COL7A1: variants seen among roughly 807,000 people sequenced by gnomAD.
COL7A1 encodes collagen alpha-1(VII) chain.
COL7A1 carries 296 observed loss-of-function variants against 456.2 expected under a neutral mutation model. That is an observed-to-expected ratio of 0.65 (90% CI 0.59 to 0.71). The LOEUF (loss-of-function observed/expected upper bound fraction) is 0.71. COL7A1 is among the 30% of genes least tolerant of loss of function. The probability of loss-of-function intolerance (pLI) is 0.00; values close to 1 mark genes in which losing one functional copy is unlikely to be tolerated. For missense variants in COL7A1, 3,441 were observed against 4,017.2 expected, an observed-to-expected ratio of 0.86 and a Z score of 3.88; for synonymous variants, 1,464 against 1,525.9, an observed-to-expected ratio of 0.96 and a Z score of 0.95.
rs751663795 is a variant in COL7A1 at position 48,584,350 on chromosome 3, A to G, written c.4145T>C (p.Leu1382Pro). The G allele has an allele frequency of 6.2e-7, 1 of 1,613,316 alleles. No homozygotes were observed. The highest frequency in any genetic ancestry group is 1.1e-5 in the South Asian group (1 of 91,064). ...GGGGCCACGGGGTCCTGGGTCCCCC[A>G]GTGGTCCACGAGGTCCAGGGGGGCC... ...PSGPPGPRGP[L>P]GDPGPRGPPG... The change falls in exon 37 of 119, where the codon CTG becomes CCG. Residue 1382 changes from leucine (L) to proline (P), a missense_variant. Leu to Pro is a moderately conservative substitution (Grantham distance 98). Transcript: ENST00000681320.
rs2044439443 is a variant in COL7A1, at chr3:48,578,026, T to G, written c.5532+295A>C. 6.6e-6 allele frequency among the ~76,000 whole-genome samples: 1 copy of G among 152,096 alleles called. No individual in the cohort carries two copies. The highest frequency in any genetic ancestry group is 1.5e-5 in the Non-Finnish European group (1 of 68,016). On this transcript the variant is annotated intron_variant, in intron 65 of 118. Coordinates refer to ENST00000681320, the MANE Select transcript of COL7A1 (RefSeq NM_000094.4). This position sits in a 1 kb window ranked among gnomAD's most constrained non-coding sequence, Gnocchi z 4.7. ...CTAAAAATACAAAATTAGCCAGGCA[T>G]GGTGGCGCATGCCTGTAATCCCAGT...
In COL7A1 at chr3:48,592,364, C is replaced by T. The variant is rs375604839; in HGVS notation, c.1080G>A (p.Trp360Ter). 3.1e-6 allele frequency: 5 copies of T among 1,613,506 alleles called. No homozygotes were observed. The highest frequency in any genetic ancestry group is 4.2e-6 in the Non-Finnish European group (5 of 1,180,044). ...VPGATGYRVTWRVLSGGPTQQ... is the reference protein window; with the variant it reads ...VPGATGYRVT ...TCTCTCACTCACCACTGAGGACCCG[C>T]CATGTCACACGGTAGCCAGTGGCAC... is the stretch of plus-strand genomic sequence containing the variant. The change falls in exon 9 of 119, where the codon TGG becomes TGA. Residue 360 changes from tryptophan to a stop codon, truncating the protein, a stop_gained. Coordinates refer to ENST00000681320, the MANE Select transcript of COL7A1 (RefSeq NM_000094.4). LOFTEE classifies it high-confidence loss of function. This position sits in a 1 kb window ranked among gnomAD's most constrained non-coding sequence, Gnocchi z 7.6.
Position 48,575,349 on chromosome 3 carries a change from G to A in COL7A1, c.6170C>T (p.Pro2057Leu), listed in dbSNP as rs2044220324. ...AGCCCCCAGCCTCACCCTCTCTCCT[G>A]GCCTTCCTGCCTCTCCCACACCCCC... ...RAGGVGEAGR[P>L]GERGERGEKG... The change falls in exon 74 of 119, where the codon CCA becomes CTA. Residue 2057 changes from proline (P) to leucine (L), a missense_variant. Pro to Leu is a moderately conservative substitution (Grantham distance 98, BLOSUM62 -3). Coordinates refer to ENST00000681320, the MANE Select transcript of COL7A1 (RefSeq NM_000094.4). This position sits in a 1 kb window ranked among gnomAD's most constrained non-coding sequence, Gnocchi z 6.3. 6.2e-7 allele frequency: 1 copy of A among 1,602,682 alleles called. No homozygotes were observed. The highest frequency in any genetic ancestry group is 1.3e-5 in the African/African-American group (1 of 74,114).
In COL7A1 at chr3:48,572,579, C is replaced by T; in HGVS notation, c.6901-41G>A. On this transcript the variant is annotated intron_variant, in intron 88 of 118. Coordinates refer to ENST00000681320, the MANE Select transcript of COL7A1 (RefSeq NM_000094.4). This position sits in a 1 kb window ranked among gnomAD's most constrained non-coding sequence, Gnocchi z 4.6. ...GTGAGTTTCCTCCTCCTCCCCCGCCCCCACCCTGCCACCCCCATGGCATTT... is the reference window on the plus strand; with the variant it reads ...GTGAGTTTCCTCCTCCTCCCCCGCCTCCACCCTGCCACCCCCATGGCATTT... The T allele has an allele frequency of 1.9e-6, 3 of 1,610,854 alleles. No individual in the cohort carries two copies. The South Asian group carries it at 3.3e-5, about 18-fold the overall frequency.
rs564692911 is a variant in COL7A1 at position 48,570,969 on chromosome 3, C to T, written c.7165-1G>A. 1 of 1,613,328 alleles carries T rather than the reference C, an allele frequency of 6.2e-7. No individual in the cohort carries two copies. The highest frequency in any genetic ancestry group is 1.1e-5 in the South Asian group (1 of 90,968). ...GCAGGCCAGGGAGGCCCAGATCTCC[C>T]TGAAATAAAAACAGCAAAGGGAGGG... On this transcript the variant is annotated splice_acceptor_variant, in intron 94 of 118. Coordinates refer to ENST00000681320, the MANE Select transcript of COL7A1 (RefSeq NM_000094.4). LOFTEE classifies it high-confidence loss of function. This position sits in a 1 kb window ranked among gnomAD's most constrained non-coding sequence, Gnocchi z 5.5.
At position 48,582,560 on chromosome 3, in the gene COL7A1, G is replaced by A. The variant is rs147516231; in HGVS notation, c.4564-47C>T. ...GCCCAGGAGGGGAAGGGAAAGGGGA[G>A]GGACACACAAAAGTCCCACTCCTGG... On this transcript the variant is annotated intron_variant, in intron 45 of 118. Transcript: ENST00000681320. 5 of 1,613,824 alleles carry A rather than the reference G, an allele frequency of 3.1e-6. No homozygotes were observed. In the African/African-American group the frequency reaches 4.0e-5, roughly 13 times the overall value.
rs1366060714 is a variant in COL7A1, at chr3:48,592,499, G to C, written c.977-32C>G. 6.2e-7 allele frequency: 1 copy of C among 1,613,222 alleles called. No homozygotes were observed. The highest frequency in any genetic ancestry group is 1.7e-5 in the Admixed American group (1 of 60,034). ...GAGAGTCCCACCAGGGATTCATGGA[G>C]TCAGAAGTGGGAGGGGGTACTGGGG... On this transcript the variant is annotated intron_variant, in intron 8 of 118. Coordinates refer to ENST00000681320, the MANE Select transcript of COL7A1 (RefSeq NM_000094.4). The surrounding 1 kb of genome is among the most constrained non-coding windows in gnomAD (Gnocchi z 7.6).
In COL7A1 at chr3:48,564,770, G is replaced by GCTCA. The variant is rs1191113191; in HGVS notation, c.8818+9_8818+12dup. 6.2e-7 allele frequency: 1 copy of GCTCA among 1,612,176 alleles called. No individual in the cohort carries two copies. The highest frequency in any genetic ancestry group is 8.5e-7 in the Non-Finnish European group (1 of 1,179,070). ...CAGTGCCCAGTTCCCCACGGTGGGG[G>GCTCA]CTCAGCCCATACCTGTCCCCTGGCT... On this transcript the variant is annotated intron_variant, in intron 118 of 118. Coordinates refer to ENST00000681320, the MANE Select transcript of COL7A1 (RefSeq NM_000094.4). This position sits in a 1 kb window ranked among gnomAD's most constrained non-coding sequence, Gnocchi z 6.0.
Position 48,580,814 on chromosome 3 carries a change from T to C in COL7A1, c.4980+68A>G. ...GGACTCCCATCACCCCTTACCCCCCTCAGCCTTTCCTATCACCTTCATGCC... is the reference window on the plus strand; with the variant it reads ...GGACTCCCATCACCCCTTACCCCCCCCAGCCTTTCCTATCACCTTCATGCC... On this transcript the variant is annotated intron_variant, in intron 54 of 118. Transcript: ENST00000681320. This position sits in a 1 kb window ranked among gnomAD's most constrained non-coding sequence, Gnocchi z 4.5. The C allele has an allele frequency of 6.2e-7, 1 of 1,604,004 alleles. No individual in the cohort carries two copies. The highest frequency in any genetic ancestry group is 8.5e-7 in the Non-Finnish European group (1 of 1,171,144).
In COL7A1 at chr3:48,588,675, C is replaced by T. The variant is rs763046110; in HGVS notation, c.2554G>A (p.Glu852Lys). ...ACAACAATGGAGACAGGTGTGCCCT[C>T]GCGGTCCCCGACAAGTGCAGTCACT... ...VRVTALVGDR[E>K]GTPVSIVVTT... Residue 852 changes from glutamate (E) to lysine (K), a missense_variant, in exon 20 of 119, where the codon GAG becomes AAG. By Grantham distance (56) the Glu-to-Lys change is moderately conservative. Around this residue, in one of 3 missense-constraint regions of COL7A1, gnomAD observed 444 missense variants for 427.6 expected, o/e 1.04. Transcript: ENST00000681320. The surrounding 1 kb of genome is among the most constrained non-coding windows in gnomAD (Gnocchi z 4.6). 16 of 1,613,718 alleles carry T rather than the reference C, an allele frequency of 9.9e-6. No homozygotes were observed. Among genetic ancestry groups the T allele is most frequent in the Admixed American group, 5.0e-5 (3 of 60,018 alleles).
Position 48,594,951 on chromosome 3 carries a change from G to A in COL7A1, c.85+124C>T, listed in dbSNP as rs572310326. 2.6e-5 allele frequency: 21 copies of A among 816,778 alleles called. No homozygotes were observed. The highest frequency in any genetic ancestry group is 3.7e-5 in the Non-Finnish European group (19 of 507,910). The allele number at this position is 816,778 out of a possible 1,614,324, so 50.6% of individuals were successfully genotyped here. On this transcript the variant is annotated intron_variant, in intron 2 of 118. Transcript: ENST00000681320. This position sits in a 1 kb window ranked among gnomAD's most constrained non-coding sequence, Gnocchi z 5.5. ...GTTCGGGGAGTCCCAGAATTAGGAG[G>A]AATCCGCGGGGCGTCGTGGAGTTGG... is the stretch of plus-strand genomic sequence containing the variant.
chr3:48,568,474 C>T lies in COL7A1; in HGVS notation c.7794+25G>A. ...CGGGGGCCCTCTGGGGACAGGGGGCCCCTGTGGGAGCAGGGGCATCTTACC... is the reference window on the plus strand; with the variant it reads ...CGGGGGCCCTCTGGGGACAGGGGGCTCCTGTGGGAGCAGGGGCATCTTACC... On this transcript the variant is annotated intron_variant, in intron 105 of 118. Coordinates refer to ENST00000681320, the MANE Select transcript of COL7A1 (RefSeq NM_000094.4). The surrounding 1 kb of genome is among the most constrained non-coding windows in gnomAD (Gnocchi z 5.2). The T allele has an allele frequency of 1.9e-6, 3 of 1,592,416 alleles. No individual in the cohort carries two copies. The highest frequency in any genetic ancestry group is 2.6e-6 in the Non-Finnish European group (3 of 1,165,870).
rs2044732144 is a variant in COL7A1, at chr3:48,581,211, C to T, written c.4899+49G>A. On this transcript the variant is annotated intron_variant, in intron 52 of 118. Transcript: ENST00000681320. The surrounding 1 kb of genome is among the most constrained non-coding windows in gnomAD (Gnocchi z 5.8). ...CCAAGAACCCCCATGATGCTGGCAA[C>T]AGCCCTACTCCCTTACCCGCCATGA... 7 of 1,610,090 alleles carry T rather than the reference C, an allele frequency of 4.3e-6. No homozygotes were observed. Among genetic ancestry groups the T allele is most frequent in the African/African-American group, 4.0e-5 (3 of 74,986 alleles).
chr3:48,564,344 G>A lies in COL7A1; in HGVS notation c.*62C>T, dbSNP rs2107623880. The A allele has an allele frequency of 6.3e-7, 1 of 1,591,340 alleles. No homozygotes were observed. The highest frequency in any genetic ancestry group is 8.6e-7 in the Non-Finnish European group (1 of 1,159,830). On this transcript the variant is annotated 3_prime_UTR_variant, in exon 119 of 119. Coordinates refer to ENST00000681320, the MANE Select transcript of COL7A1 (RefSeq NM_000094.4). This position sits in a 1 kb window ranked among gnomAD's most constrained non-coding sequence, Gnocchi z 6.0. Reference sequence around the variant, plus strand: ...CTCTAGCACCAAGGGGAGGGACAGTGGGGTTCTGCTGAGACCCCGACTCCT... The same window carrying A: ...CTCTAGCACCAAGGGGAGGGACAGTAGGGTTCTGCTGAGACCCCGACTCCT...
At position 48,594,670 on chromosome 3, in the gene COL7A1, G is replaced by A; in HGVS notation, c.86-122C>T. ...TAGGCCTCATCTTATGCAAACCAGG[G>A]CCGAATCGGCCTGAGCCTGAGGGCC... On this transcript the variant is annotated intron_variant, in intron 2 of 118. Coordinates refer to ENST00000681320, the MANE Select transcript of COL7A1 (RefSeq NM_000094.4). The surrounding 1 kb of genome is among the most constrained non-coding windows in gnomAD (Gnocchi z 5.5). 1 of 1,209,030 alleles carries A rather than the reference G, an allele frequency of 8.3e-7. No individual in the cohort carries two copies. Among genetic ancestry groups the A allele is most frequent in the Non-Finnish European group, 1.2e-6 (1 of 865,452 alleles). 74.9% of individuals were successfully genotyped at this position (1,209,030 alleles called of 1,614,324 possible).
chr3:48,592,733 A>G lies in COL7A1; in HGVS notation c.847-34T>C, dbSNP rs2045795533. ...GGCAAGAGGTCACTTTATCTTGCCC[A>G]GCCAAGTCCCCAGCCACCACCTATC... On this transcript the variant is annotated intron_variant, in intron 7 of 118. Coordinates refer to ENST00000681320, the MANE Select transcript of COL7A1 (RefSeq NM_000094.4). This position sits in a 1 kb window ranked among gnomAD's most constrained non-coding sequence, Gnocchi z 7.6. The G allele has an allele frequency of 1.9e-6, 3 of 1,613,334 alleles. No individual in the cohort carries two copies. Among genetic ancestry groups the G allele is most frequent in the Non-Finnish European group, 2.5e-6 (3 of 1,180,044 alleles).
rs373295008 is a variant in COL7A1 at position 48,575,776 on chromosome 3, C to T, written c.5857-28G>A. ...GAGGGACAGCAAGAGGTCAGAGGAG[C>T]GGGGTGCGTCGCCGCAGCCCCTATG... On this transcript the variant is annotated intron_variant, in intron 72 of 118. Transcript: ENST00000681320. This position sits in a 1 kb window ranked among gnomAD's most constrained non-coding sequence, Gnocchi z 6.3. 1.1e-5 allele frequency: 18 copies of T among 1,614,050 alleles called. No homozygotes were observed. The Admixed American group carries it at 1.3e-4, about 12-fold the overall frequency.
Position 48,579,332 on chromosome 3 carries a change from C to T in COL7A1, c.5307+37G>A. On this transcript the variant is annotated intron_variant, in intron 61 of 118. Coordinates refer to ENST00000681320, the MANE Select transcript of COL7A1 (RefSeq NM_000094.4). This position sits in a 1 kb window ranked among gnomAD's most constrained non-coding sequence, Gnocchi z 4.4. ...CAAGGCTGAGGTGGATCTGATAACC[C>T]AGGCTCATGTCCTGAGAAACCCCCA... The T allele has an allele frequency of 1.2e-6, 2 of 1,614,196 alleles. No homozygotes were observed. Among genetic ancestry groups the T allele is most frequent in the African/African-American group, 1.3e-5 (1 of 75,040 alleles).
Position 48,579,671 on chromosome 3 carries a change from G to T in COL7A1, c.5155-3C>A, listed in dbSNP as rs2044590921. 2 of 1,613,530 alleles carry T rather than the reference G, an allele frequency of 1.2e-6. No individual in the cohort carries two copies. The highest frequency in any genetic ancestry group is 2.7e-5 in the African/African-American group (2 of 74,842). ...TGTCCGCGGTCCCCAGGCTCTCCCT[G>T]TGGCAGAGATAAGCTTGCTGAGGAA... On this transcript the variant is annotated splice_polypyrimidine_tract_variant and splice_region_variant and intron_variant, in intron 58 of 118. Coordinates refer to ENST00000681320, the MANE Select transcript of COL7A1 (RefSeq NM_000094.4). The surrounding 1 kb of genome is among the most constrained non-coding windows in gnomAD (Gnocchi z 4.4).
Sources: allele counts gnomAD v4.1 joint callset (sites outside exome capture counted in the v4.1 genomes callset), GRCh38; gene constraint gnomAD v4.1.1; regional missense constraint gnomAD v4.1.1; non-coding constraint Gnocchi (gnomAD v3.1); transcripts MANE v1.5; gene names NCBI Gene and HGNC (gene_info 2026-07-23, HGNC 2026-07-21).